MAML2: variants seen among roughly 807,000 people sequenced by gnomAD.
MAML2 encodes the protein mastermind like transcriptional coactivator 2.
MAML2 carries 22 observed loss-of-function variants against 96.1 expected under a neutral mutation model. That is an observed-to-expected ratio of 0.23 (90% CI 0.16 to 0.33). The LOEUF is 0.33. Among genes scored for constraint, MAML2 ranks in the 10% least tolerant of loss-of-function variants. MAML2 has a pLI of 1.00. For missense variants in MAML2, 1,367 were observed against 1,392.4 expected, an observed-to-expected ratio of 0.98 and a Z score of 0.29; for synonymous variants, 561 against 521.3, an observed-to-expected ratio of 1.08 and a Z score of -1.04.
chr11:96,312,246 A>AAAAAAAAAAAAAAAAAC (rs1555038782), intron 1 of MAML2, among the ~76,000 whole-genome samples: 1 of 145,216 alleles, frequency 6.9e-6, no homozygotes. Flanking sequence ...AAAAAAAAAG[A>AAAAAAAAAAAAAAAAAC]ATGAGCAAAT....
At chr11:96,295,231 G>A (rs1477032363) in intron 1 of MAML2, among the ~76,000 whole-genome samples, 1 of 152,048 alleles carries the variant, frequency 6.6e-6, no homozygotes, top group African/African-American at 2.4e-5. Context: ...GGAAACACTG[G>A]TATCTTAAGG....
chr11:96,009,244 C>A (rs908896096), intron 2 of MAML2, among the ~76,000 whole-genome samples: 23 of 152,312 alleles, frequency 1.5e-4, no homozygotes, highest in African/African-American at 5.3e-4. Flanking sequence ...AGCGCTGCAA[C>A]TTTTCCTTTA....
intron 1 of MAML2, among the ~76,000 whole-genome samples, chr11:96,102,307 C>A (rs1174148422): frequency 1.3e-5 from 2 of 152,152 alleles, no homozygotes; most frequent in Admixed American, 6.5e-5. Context: ...ACAACAAAAA[C>A]CACTGTTTTC....
intron 1 of MAML2, among the ~76,000 whole-genome samples, chr11:96,111,925 A>T (rs985398013): frequency 1.4e-5 from 2 of 139,068 alleles, no homozygotes; most frequent in African/African-American, 5.4e-5. Context: ...TTATGTGTCC[A>T]TTCACAAGGT....
At chr11:96,063,147 C>T (rs17234494) in intron 2 of MAML2, among the ~76,000 whole-genome samples, 6,619 of 152,234 alleles carry the variant, frequency 0.043, 196 homozygotes, top group Non-Finnish European at 0.065. Context: ...TGGCCTTGCA[C>T]GCATTGCTCC....
intron 1 of MAML2, among the ~76,000 whole-genome samples, chr11:96,114,052 G>C (rs1362885374): frequency 1.3e-5 from 2 of 151,940 alleles, no homozygotes; most frequent in Non-Finnish European, 2.9e-5. Flanking sequence ...AACAGGCCTT[G>C]GTTTTTTAAA....
At position 96,038,712 on chromosome 11, in the gene MAML2, T is replaced by C. The variant is rs185313642; in HGVS notation, c.2140-46989A>G. On this transcript the variant is annotated intron_variant, in intron 2 of 4. Coordinates refer to ENST00000524717, the MANE Select transcript of MAML2 (RefSeq NM_032427.4). The stretch of plus-strand genomic sequence containing the variant: ...CTATAGAGAAGTCTTCCCTCATAAC[T>C]TATCTAAAATAGCACTTCCATCACT... Among the ~76,000 whole-genome samples, 70 of 152,346 alleles carry C rather than the reference T, an allele frequency of 4.6e-4. No individual in the cohort carries two copies. The East Asian group carries it at 0.013, about 29-fold the overall frequency.
intron 1 of MAML2, among the ~76,000 whole-genome samples, chr11:96,193,534 A>T (rs901241102): frequency 6.6e-6 from 1 of 152,230 alleles, no homozygotes; most frequent in African/African-American, 2.4e-5. Context: ...TCTGTATAAC[A>T]TCTTTAGCTC....
intron 1 of MAML2, among the ~76,000 whole-genome samples, chr11:96,144,942 A>G (rs1420866376): frequency 6.6e-6 from 1 of 152,204 alleles, no homozygotes; most frequent in African/African-American, 2.4e-5. Context: ...TCAACTTCCA[A>G]TGCATTGGAT....
chr11:96,050,530 T>G (rs1238438179), intron 2 of MAML2, among the ~76,000 whole-genome samples: 4 of 152,180 alleles, frequency 2.6e-5, no homozygotes, highest in Non-Finnish European at 4.4e-5. Flanking sequence ...TGCATGAGAA[T>G]CTGACCTTTG....
intron 1 of MAML2, among the ~76,000 whole-genome samples, chr11:96,228,969 G>GAAC (rs1555026986): frequency 4.1e-5 from 5 of 121,338 alleles, no homozygotes; most frequent in South Asian, 4.7e-4. Context: ...ACTTCTAGTT[G>GAAC]AACAAAAAAA....
rs1225168348 is a variant in MAML2, at chr11:96,214,911, G to C, written c.514-121394C>G. 2.6e-5 allele frequency among the ~76,000 whole-genome samples: 4 copies of C among 152,246 alleles called. No homozygotes were observed. The East Asian group carries it at 7.7e-4, about 29-fold the overall frequency. ...AACTCAGATCCAGTGAGGAAGTAGA[G>C]GCTGAGGATTAGGAAAGAACCATGT... On this transcript the variant is annotated intron_variant, in intron 1 of 4. Coordinates refer to ENST00000524717, the MANE Select transcript of MAML2 (RefSeq NM_032427.4).
chr11:96,170,113 C>A (rs1289514379), intron 1 of MAML2, among the ~76,000 whole-genome samples: 1 of 152,300 alleles, frequency 6.6e-6, no homozygotes, highest in East Asian at 1.9e-4. Flanking sequence ...TCACACGGTC[C>A]CTTTCCACTG....
intron 1 of MAML2, among the ~76,000 whole-genome samples, chr11:96,094,088 T>C (rs1859785478): frequency 2.7e-5 from 4 of 146,322 alleles, no homozygotes; most frequent in African/African-American, 7.5e-5. Flanking sequence ...TTATTGTTCA[T>C]CTACTTTTCT....
intron 1 of MAML2, among the ~76,000 whole-genome samples, chr11:96,231,328 C>T (rs1245699380): frequency 6.6e-6 from 1 of 152,114 alleles, no homozygotes; most frequent in African/African-American, 2.4e-5. Context: ...TTTCTGTATT[C>T]CTATTAACTT....
intron 1 of MAML2, among the ~76,000 whole-genome samples, chr11:96,206,193 G>C (rs1188223879): frequency 6.6e-6 from 1 of 151,958 alleles, no homozygotes; most frequent in Non-Finnish European, 1.5e-5. Flanking sequence ...TAGCTTATAT[G>C]TTATCAAAAA....
intron 2 of MAML2, among the ~76,000 whole-genome samples, chr11:96,013,168 A>T (rs1858290598): frequency 6.6e-6 from 1 of 152,228 alleles, no homozygotes; most frequent in South Asian, 2.1e-4. Flanking sequence ...TGAAATTTTT[A>T]AAATGATCAA....
At chr11:96,143,312 G>C (rs988809551) in intron 1 of MAML2, among the ~76,000 whole-genome samples, 1 of 152,146 alleles carries the variant, frequency 6.6e-6, no homozygotes, top group Non-Finnish European at 1.5e-5. Flanking sequence ...AGTCCTCCAA[G>C]GGCAGTCAAG....
intron 3 of MAML2, among the ~76,000 whole-genome samples, chr11:95,987,183 G>A (rs866691250): frequency 6.6e-5 from 10 of 152,178 alleles, no homozygotes; most frequent in Admixed American, 1.3e-4. Context: ...AACAACAGAG[G>A]GGGGTGTTTG....
Sources: gnomAD v4.1 joint callset for allele counts (sites outside exome capture counted in the v4.1 genomes callset) on GRCh38, gnomAD v4.1.1 for gene constraint, MANE v1.5 for transcripts, NCBI Gene and HGNC (gene_info 2026-07-23, HGNC 2026-07-21) for gene names.